Variants in B4GALT1 observed in about 807,000 individuals in gnomAD.
B4GALT1 encodes the protein beta-1,4-galactosyltransferase 1, also known as N-acetyllactosamine synthase.
B4GALT1 carries 16 observed loss-of-function variants against 34.9 expected under a neutral mutation model. The ratio of observed to expected loss-of-function variants is 0.46; its 90% CI spans 0.31 to 0.70. The LOEUF is 0.70. Ranked by LOEUF, B4GALT1 falls within the 30% of genes least tolerant of loss-of-function variation. The pLI, the probability that B4GALT1 is intolerant of heterozygous loss-of-function variation, is 0.05. For synonymous variants in B4GALT1, 221 were observed against 218.1 expected (o/e 1.01, Z -0.12); for missense variants, 445 against 530.5 (o/e 0.84, Z 1.58).
At chr9:33,180,674 T>C in the B4GALT1 span, among the ~76,000 whole-genome samples, 2 of 152,184 alleles carry the variant, frequency 1.3e-5, no homozygotes, top group Non-Finnish European at 2.9e-5. Context: ...CCTCTTAGCG[T>C]CACTCCTAAG....
the B4GALT1 span, among the ~76,000 whole-genome samples, chr9:33,175,428 T>C: frequency 6.6e-6 from 1 of 152,144 alleles, no homozygotes; most frequent in South Asian, 2.1e-4. Context: ...TTGATGATTA[T>C]ATTGTGGTTA....
At chr9:33,182,905 A>G in the B4GALT1 span, among the ~76,000 whole-genome samples, 1 of 151,884 alleles carries the variant, frequency 6.6e-6, no homozygotes, top group African/African-American at 2.4e-5. Context: ...CCATCACCCC[A>G]CTTAAAAAAA....
At chr9:33,133,830 G>C (rs1405721355) in intron 2 of B4GALT1, among the ~76,000 whole-genome samples, 1 of 152,172 alleles carries the variant, frequency 6.6e-6, no homozygotes, top group Admixed American at 6.5e-5. Flanking sequence ...AGCTTCTGGT[G>C]CTTTCCTACC....
chr9:33,129,846 G>A (rs3780489), intron 2 of B4GALT1, among the ~76,000 whole-genome samples: 1 of 151,478 alleles, frequency 6.6e-6, no homozygotes, highest in South Asian at 2.1e-4. Context: ...CACACAGAGG[G>A]GAGAACAGAG....
At chr9:33,105,880 GTT>G (rs35330697), downstream of B4GALT1, among the ~76,000 whole-genome samples, 23,015 of 84,634 alleles carry the variant, frequency 0.27, 1,283 homozygotes, top group East Asian at 0.43. Flanking sequence ...GGACTCGTGG[GTT>G]TTTTTTTTTT....
In B4GALT1 at chr9:33,135,393, A is replaced by G. The variant is rs754765712; in HGVS notation, c.444T>C (p.Pro148=). 8 of 1,614,158 alleles carry G rather than the reference A, an allele frequency of 5.0e-6. No individual in the cohort carries two copies. The highest frequency in any genetic ancestry group is 1.1e-5 in the South Asian group (1 of 91,084). Residue 148 remains proline (P), a synonymous_variant, in exon 2 of 6, where the codon CCT becomes CCC. Coordinates refer to ENST00000379731, the MANE Select transcript of B4GALT1 (RefSeq NM_001497.4). ...VGPMLIEFNM[P]VDLELVAKQN... is the part of the protein sequence containing the mutation. Reference sequence around the variant, plus strand: ...GCTTTGCCACGAGCTCCAGGTCCACAGGCATGTTAAACTCAATCAGCATGG... The same window carrying G: ...GCTTTGCCACGAGCTCCAGGTCCACGGGCATGTTAAACTCAATCAGCATGG...
upstream of B4GALT1, among the ~76,000 whole-genome samples, chr9:33,168,248 A>G (rs994217095): frequency 1.3e-5 from 2 of 152,210 alleles, no homozygotes; most frequent in African/African-American, 4.8e-5. Flanking sequence ...TGTTTTCTAC[A>G]GGTTTACCCT....
downstream of B4GALT1, among the ~76,000 whole-genome samples, chr9:33,109,826 G>A (rs955352294): frequency 2.0e-5 from 3 of 151,914 alleles, no homozygotes; most frequent in African/African-American, 7.3e-5. Context: ...TTGTTGGTGG[G>A]GAGAAATCCC....
the B4GALT1 span, chr9:33,177,458 C>T: frequency 2.0e-5 from 3 of 152,182 alleles, no homozygotes; most frequent in Non-Finnish European, 4.4e-5. Context: ...ACCTAGCCCA[C>T]CGTCTGTTTT....
intron 1 of B4GALT1, among the ~76,000 whole-genome samples, chr9:33,157,737 T>C (rs1025089745): frequency 2.6e-5 from 4 of 151,392 alleles, no homozygotes; most frequent in African/African-American, 4.8e-5. Context: ...AAAGGTCCTA[T>C]AAAGCAAAAG....
chr9:33,113,380 G>A lies in B4GALT1; in HGVS notation c.*74C>T. ...AGACTGGTAAAAATGAGAGGGACCA[G>A]CCCAGCAGATTGGCAGAGACACACA... On this transcript the variant is annotated 3_prime_UTR_variant, in exon 6 of 6. Coordinates refer to ENST00000379731, the MANE Select transcript of B4GALT1 (RefSeq NM_001497.4). 6.2e-7 allele frequency: 1 copy of A among 1,606,088 alleles called. No homozygotes were observed. The highest frequency in any genetic ancestry group is 8.5e-7 in the Non-Finnish European group (1 of 1,173,610).
chr9:33,184,174 T>C, the B4GALT1 span, among the ~76,000 whole-genome samples: 1 of 146,276 alleles, frequency 6.8e-6, no homozygotes, highest in Non-Finnish European at 1.5e-5. Flanking sequence ...ATAATAATAA[T>C]AAAAAAGGAA....
intron 2 of B4GALT1, among the ~76,000 whole-genome samples, chr9:33,126,662 A>ATTGTTAACATTGTTGACT: frequency 2.2e-5 from 1 of 45,224 alleles, no homozygotes; most frequent in Non-Finnish European, 5.9e-5. Flanking sequence ...TAACCATAGC[A>ATTGTTAACATTGTTGACT]ATATGGTAGC....
chr9:33,118,694 A>C (rs1004639292), intron 3 of B4GALT1, among the ~76,000 whole-genome samples: 4 of 151,836 alleles, frequency 2.6e-5, no homozygotes, highest in African/African-American at 9.7e-5. Context: ...AAAAGAAAAA[A>C]AGTTGTATCT....
Position 33,111,276 on chromosome 9 carries a change from A to AAAAAAAAAAAAAAAAAAAAAAAAAAAAAC in B4GALT1, c.*2177_*2178insGTTTTTTTTTTTTTTTTTTTTTTTTTTTT, listed in dbSNP as rs1564033760. 3.8e-5 allele frequency: 4 copies of AAAAAAAAAAAAAAAAAAAAAAAAAAAAAC among 105,930 alleles called. No homozygotes were observed. The highest frequency in any genetic ancestry group is 6.1e-5 in the Non-Finnish European group (3 of 49,226). The allele number at this position is 105,930 out of a possible 1,614,324, so 6.6% of individuals were successfully genotyped here. ...AAAAAAAAAAAAAAAAAAAAAAAAAAAACAACAAGAAAAGGTAGAGTTTGG... is the reference window on the plus strand; with the variant it reads ...AAAAAAAAAAAAAAAAAAAAAAAAAAAAAAAAAAAAAAAAAAAAAAAAAAAAAACAACAACAAGAAAAGGTAGAGTTTGG... On this transcript the variant is annotated 3_prime_UTR_variant, in exon 6 of 6. Coordinates refer to ENST00000379731, the MANE Select transcript of B4GALT1 (RefSeq NM_001497.4).
intron 2 of B4GALT1, among the ~76,000 whole-genome samples, chr9:33,131,177 G>A (rs938848830): frequency 6.6e-6 from 1 of 151,690 alleles, no homozygotes; most frequent in Non-Finnish European, 1.5e-5. Flanking sequence ...TGGCCATGAG[G>A]AGTGTCACTG....
At chr9:33,157,063 T>TACACACACACACACAC (rs371027641) in intron 1 of B4GALT1, among the ~76,000 whole-genome samples, 1,653 of 87,288 alleles carry the variant, frequency 0.019, 177 homozygotes, top group East Asian at 0.085. Context: ...CATAGGGAAC[T>TACACACACACACACAC]ACACACACAC....
intron 1 of B4GALT1, among the ~76,000 whole-genome samples, chr9:33,139,713 G>A (rs944684351): frequency 6.6e-6 from 1 of 152,264 alleles, no homozygotes; most frequent in Non-Finnish European, 1.5e-5. Context: ...GAATCATGCA[G>A]ACCTGCGACC....
rs1196434366 is a variant in B4GALT1, at chr9:33,113,274, C to G, written c.*180G>C. ...CAGAGCTAAGAATTCACATGCCGAG[C>G]CAAGTTGGGGGCAAAATATCCCACT... On this transcript the variant is annotated 3_prime_UTR_variant, in exon 6 of 6. Transcript: ENST00000379731. The G allele has an allele frequency of 6.9e-6, 6 of 869,272 alleles. No individual in the cohort carries two copies. The highest frequency in any genetic ancestry group is 1.1e-5 in the Non-Finnish European group (6 of 542,102). 53.8% of individuals were successfully genotyped at this position (869,272 alleles called of 1,614,324 possible).
Sources: gnomAD v4.1 joint callset for allele counts (sites outside exome capture counted in the v4.1 genomes callset) on GRCh38, gnomAD v4.1.1 for gene constraint, MANE v1.5 for transcripts, NCBI Gene and HGNC (gene_info 2026-07-23, HGNC 2026-07-21) for gene names.